The following PDZRN3 variants were observed in gnomAD, a reference collection of about 807,000 sequenced individuals.
PDZRN3 encodes the protein E3 ubiquitin-protein ligase PDZRN3.
In PDZRN3, 38 loss-of-function variants were observed where a neutral mutation model predicts 85.7. The ratio of observed to expected loss-of-function variants is 0.44; its 90% CI spans 0.34 to 0.58. PDZRN3 has a LOEUF of 0.58. Ranked by LOEUF, PDZRN3 falls within the 20% of genes least tolerant of loss-of-function variation. The pLI is 0.01. For synonymous variants in PDZRN3, 759 were observed against 638.0 expected (o/e 1.19, Z -2.86); for missense variants, 1,629 against 1,506.4 (o/e 1.08, Z -1.35).
intron 3 of PDZRN3, among the ~76,000 whole-genome samples, chr3:73,583,041 G>T (rs904388654): frequency 6.6e-6 from 1 of 152,078 alleles, no homozygotes; most frequent in African/African-American, 2.4e-5. Flanking sequence ...ACTCAACAAT[G>T]GAAACTATCA....
At chr3:73,433,753 G>A (rs771801198) in intron 3 of PDZRN3, 632 of 1,535,078 alleles carry the variant, frequency 4.1e-4, no homozygotes, top group Non-Finnish European at 5.2e-4. Context: ...GCCAGCACCC[G>A]GGAAAAGCAG....
chr3:73,570,597 A>G (rs1294111732), intron 3 of PDZRN3, among the ~76,000 whole-genome samples: 2 of 152,264 alleles, frequency 1.3e-5, no homozygotes, highest in Admixed American at 6.5e-5. Context: ...CTCTAAGATA[A>G]TCTATTGCTC....
intron 2 of PDZRN3, among the ~76,000 whole-genome samples, chr3:73,604,987 G>A (rs1336375852): frequency 4.6e-5 from 7 of 152,154 alleles, no homozygotes; most frequent in East Asian, 1.9e-4. Context: ...TTGGGAGGCC[G>A]AGGCTGGTGG....
chr3:73,607,674 T>A (rs1477109531), intron 2 of PDZRN3, among the ~76,000 whole-genome samples: 1 of 152,208 alleles, frequency 6.6e-6, no homozygotes, highest in East Asian at 1.9e-4. Context: ...GTATCTGCCA[T>A]GTGCCATCCT....
At chr3:73,501,540 C>A (rs1703977814) in intron 3 of PDZRN3, among the ~76,000 whole-genome samples, 1 of 152,194 alleles carries the variant, frequency 6.6e-6, no homozygotes, top group Non-Finnish European at 1.5e-5. Context: ...CTAGCAATGG[C>A]TCATTCAACA....
chr3:73,393,587 C>G (rs1237295325), intron 5 of PDZRN3, among the ~76,000 whole-genome samples: 3 of 152,174 alleles, frequency 2.0e-5, no homozygotes, highest in African/African-American at 7.2e-5. Context: ...TGGTTAGAGA[C>G]AGACTGAAAA....
chr3:73,390,340 A>G (rs112774325), intron 6 of PDZRN3, among the ~76,000 whole-genome samples: 14 of 152,328 alleles, frequency 9.2e-5, no homozygotes, highest in African/African-American at 3.4e-4. Flanking sequence ...GATGTCCCCA[A>G]ATGCAGAAAG....
At position 73,602,301 on chromosome 3, in the gene PDZRN3, G is replaced by A. The variant is rs886827907; in HGVS notation, c.918+53C>T. 1.2e-4 allele frequency: 116 copies of A among 973,794 alleles called. 1 individual carries two copies. The highest frequency in any genetic ancestry group is 8.9e-5 in the Non-Finnish European group (54 of 604,858). The allele number at this position is 973,794 out of a possible 1,614,324, so 60.3% of individuals were successfully genotyped here. A position where few individuals can be genotyped will look rare whatever the true frequency, so the allele number is the denominator to read the frequency against. On this transcript the variant is annotated intron_variant, in intron 3 of 9. Transcript: ENST00000263666. ...TCAAACATCTTGCTTTGAGCTAGAC[G>A]AAGATGGGATGGCATTCAGCCTATT... is the stretch of plus-strand genomic sequence containing the variant.
chr3:73,437,154 T>A (rs1316991902), intron 3 of PDZRN3, among the ~76,000 whole-genome samples: 1 of 152,100 alleles, frequency 6.6e-6, no homozygotes, highest in Admixed American at 6.5e-5. Context: ...TTAAATTTAT[T>A]CATTAATTCA....
chr3:73,463,201 C>T (rs1703143533), intron 3 of PDZRN3, among the ~76,000 whole-genome samples: 1 of 152,184 alleles, frequency 6.6e-6, no homozygotes, highest in Admixed American at 6.5e-5. Flanking sequence ...TCAACCAAGG[C>T]CCATCCTTAC....
intron 3 of PDZRN3, among the ~76,000 whole-genome samples, chr3:73,502,516 C>T (rs3890619): frequency 0.78 from 118,168 of 152,166 alleles, 47,005 homozygotes; most frequent in Non-Finnish European, 0.86. Flanking sequence ...TTCTATTTAA[C>T]ATTTATCTTT....
chr3:73,499,395 T>A (rs546746573), intron 3 of PDZRN3, among the ~76,000 whole-genome samples: 1 of 152,274 alleles, frequency 6.6e-6, no homozygotes, highest in Admixed American at 6.5e-5. Flanking sequence ...TTTTCACACA[T>A]GTAGGCTGAG....
At chr3:73,456,175 AGAAG>A (rs1702972069) in intron 3 of PDZRN3, among the ~76,000 whole-genome samples, 5 of 139,162 alleles carry the variant, frequency 3.6e-5, no homozygotes, top group African/African-American at 8.2e-5. Flanking sequence ...GGTACTGAAG[AGAAG>A]AAAAATGTGT....
intron 5 of PDZRN3, among the ~76,000 whole-genome samples, chr3:73,392,857 G>A (rs1701556518): frequency 6.6e-6 from 1 of 152,142 alleles, no homozygotes; most frequent in South Asian, 2.1e-4. Context: ...ATGAGAGCAA[G>A]CCTAAATACT....
chr3:73,510,096 G>C (rs558907914), intron 3 of PDZRN3, among the ~76,000 whole-genome samples: 5 of 152,316 alleles, frequency 3.3e-5, no homozygotes, highest in African/African-American at 1.2e-4. Flanking sequence ...CAAGTATTTT[G>C]ATAATCAGGA....
intron 3 of PDZRN3, among the ~76,000 whole-genome samples, chr3:73,489,595 TGGAGTCTCA>T (rs1553694914): frequency 1.2e-4 from 17 of 140,794 alleles, no homozygotes; most frequent in Non-Finnish European, 1.7e-4. Flanking sequence ...TTTTTTGAGA[TGGAGTCTCA>T]TTCTTTTACC....
intron 3 of PDZRN3, among the ~76,000 whole-genome samples, chr3:73,483,790 A>G (rs1048189374): frequency 6.6e-6 from 1 of 152,168 alleles, no homozygotes; most frequent in Admixed American, 6.5e-5. Flanking sequence ...TTTGGGAGGC[A>G]GTCTGGCTGA....
chr3:73,452,903 G>A (rs995588112), intron 3 of PDZRN3, among the ~76,000 whole-genome samples: 4 of 139,928 alleles, frequency 2.9e-5, no homozygotes, highest in Non-Finnish European at 6.1e-5. Context: ...TCTTTAACTT[G>A]TTCTTCTGCA....
At chr3:73,577,628 C>T (rs999438678) in intron 3 of PDZRN3, among the ~76,000 whole-genome samples, 9 of 152,222 alleles carry the variant, frequency 5.9e-5, no homozygotes, top group African/African-American at 1.4e-4. Context: ...ATTTGTGCCC[C>T]GCCCCAAAGT....
Sources: allele counts gnomAD v4.1 joint callset (sites outside exome capture counted in the v4.1 genomes callset), GRCh38; gene constraint gnomAD v4.1.1; transcripts MANE v1.5; gene names NCBI Gene and HGNC (gene_info 2026-07-23, HGNC 2026-07-21).